The following PCSK5 variants were observed in gnomAD, a reference collection of about 807,000 sequenced individuals.
PCSK5 encodes the protein proprotein convertase subtilisin/kexin type 5.
PCSK5 carries 129 observed loss-of-function variants against 233.2 expected under a neutral mutation model. That is an observed-to-expected ratio of 0.55 (90% CI 0.48 to 0.64). PCSK5 has a LOEUF of 0.64. Among genes scored for constraint, PCSK5 ranks in the 30% least tolerant of loss-of-function variants. The pLI, the probability that PCSK5 is intolerant of heterozygous loss-of-function variation, is 0.00. For synonymous variants in PCSK5, 825 were observed against 879.2 expected (o/e 0.94, Z 1.09); for missense variants, 2,076 against 2,430.1 (o/e 0.85, Z 3.06).
At chr9:75,987,365 C>T (rs1264966270) in intron 3 of PCSK5, among the ~76,000 whole-genome samples, 1 of 152,176 alleles carries the variant, frequency 6.6e-6, no homozygotes, top group East Asian at 1.9e-4. Flanking sequence ...CATCATGGCA[C>T]TTTACACTGT....
chr9:76,331,822 T>C (rs544058057), intron 33 of PCSK5, among the ~76,000 whole-genome samples: 12 of 152,014 alleles, frequency 7.9e-5, no homozygotes, highest in Admixed American at 5.2e-4. Flanking sequence ...CTCTAGCAAG[T>C]GGAAAAGGAA....
At chr9:76,345,060 A>G (rs1236256244) in intron 35 of PCSK5, among the ~76,000 whole-genome samples, 2 of 152,196 alleles carry the variant, frequency 1.3e-5, no homozygotes, top group East Asian at 3.8e-4. Flanking sequence ...AGTTTGGAGT[A>G]TAAATAACTG....
intron 1 of PCSK5, among the ~76,000 whole-genome samples, chr9:75,922,353 A>G (rs548391830): frequency 6.6e-6 from 1 of 152,300 alleles, no homozygotes; most frequent in Admixed American, 6.5e-5. Context: ...CATGGACTCT[A>G]TCCCAACTCC....
intron 20 of PCSK5, among the ~76,000 whole-genome samples, chr9:76,190,738 T>C (rs1035287305): frequency 6.6e-6 from 1 of 152,180 alleles, no homozygotes; most frequent in African/African-American, 2.4e-5. Flanking sequence ...AAACCCAAGG[T>C]GTAGAGCTAG....
intron 20 of PCSK5, among the ~76,000 whole-genome samples, chr9:76,197,772 C>T (rs944076671): frequency 1.3e-5 from 2 of 152,194 alleles, no homozygotes; most frequent in African/African-American, 2.4e-5. Flanking sequence ...TGTGACCTCA[C>T]CCAGCCCAGG....
At chr9:75,960,178 T>G (rs1261043236) in intron 2 of PCSK5, among the ~76,000 whole-genome samples, 2 of 151,930 alleles carry the variant, frequency 1.3e-5, no homozygotes, top group Non-Finnish European at 2.9e-5. Flanking sequence ...TTTTTTCAAC[T>G]GTGAAATAAA....
At chr9:76,268,585 T>C (rs1827412912) in intron 24 of PCSK5, among the ~76,000 whole-genome samples, 1 of 152,236 alleles carries the variant, frequency 6.6e-6, no homozygotes, top group Admixed American at 6.5e-5. Context: ...GGCTCATGCC[T>C]ATAATCCCAA....
chr9:76,333,547 A>G (rs1408950108), intron 34 of PCSK5, among the ~76,000 whole-genome samples: 1 of 152,134 alleles, frequency 6.6e-6, no homozygotes, highest in African/African-American at 2.4e-5. Flanking sequence ...GGACTCTATT[A>G]TTTTTCTGCT....
intron 2 of PCSK5, among the ~76,000 whole-genome samples, chr9:75,942,871 C>G (rs1453809317): frequency 7.1e-6 from 1 of 141,418 alleles, no homozygotes; most frequent in Admixed American, 7.2e-5. Flanking sequence ...TGTGGTATTT[C>G]TTTTCTTCTT....
In PCSK5 at chr9:76,026,990, G is replaced by A. The variant is rs529597302; in HGVS notation, c.585G>A (p.Gly195=). The A allele has an allele frequency of 1.1e-5, 18 of 1,609,162 alleles. No individual in the cohort carries two copies. The South Asian group carries it at 1.8e-4, about 16-fold the overall frequency. ...CTCTGGCAAGTTGCGACGTGAATGG[G>A]AATGACTTGGACCCAATGCCTCGTT... The part of the protein sequence containing the change: ...YDALASCDVN[G]NDLDPMPRYD... The change falls in exon 5 of 38, where the codon GGG becomes GGA. Residue 195 remains glycine, a synonymous_variant. Coordinates refer to ENST00000674117, the MANE Select transcript of PCSK5 (RefSeq NM_001372043.1).
At chr9:76,349,146 C>T (rs1195624309) in intron 35 of PCSK5, among the ~76,000 whole-genome samples, 3 of 151,200 alleles carry the variant, frequency 2.0e-5, no homozygotes, top group African/African-American at 7.3e-5. Flanking sequence ...TGGTGGCGGG[C>T]TCCTGTAGTC....
intron 37 of PCSK5, among the ~76,000 whole-genome samples, chr9:76,356,655 C>T (rs751381062): frequency 1.3e-5 from 2 of 152,028 alleles, no homozygotes; most frequent in South Asian, 2.1e-4. Context: ...AGAAGAAACT[C>T]GGCTTGATAG....
chr9:76,037,659 G>A (rs1170285424), intron 5 of PCSK5, among the ~76,000 whole-genome samples: 1 of 152,126 alleles, frequency 6.6e-6, no homozygotes, highest in African/African-American at 2.4e-5. Flanking sequence ...GTGGGCTGTG[G>A]AAGAAAGATA....
intron 27 of PCSK5, among the ~76,000 whole-genome samples, chr9:76,301,633 A>G (rs1047174797): frequency 3.9e-5 from 6 of 152,190 alleles, no homozygotes; most frequent in African/African-American, 1.2e-4. Context: ...ACGTCAGTCC[A>G]GGAGTTTGAG....
chr9:75,962,548 G>A (rs1314811896), intron 2 of PCSK5, among the ~76,000 whole-genome samples: 2 of 152,224 alleles, frequency 1.3e-5, no homozygotes, highest in Non-Finnish European at 2.9e-5. Flanking sequence ...AGAACAGATA[G>A]TAGGTTTTAA....
intron 10 of PCSK5, among the ~76,000 whole-genome samples, chr9:76,137,606 G>A (rs1823039227): frequency 6.6e-6 from 1 of 152,038 alleles, no homozygotes; most frequent in African/African-American, 2.4e-5. Context: ...AATAATCCTA[G>A]CTAAGTTTCA....
intron 34 of PCSK5, among the ~76,000 whole-genome samples, chr9:76,336,054 C>T (rs993348600): frequency 6.6e-6 from 1 of 152,164 alleles, no homozygotes; most frequent in African/African-American, 2.4e-5. Context: ...TTTCTTGAGT[C>T]TTATGTGGGC....
chr9:76,048,774 T>A (rs893756210), intron 5 of PCSK5, among the ~76,000 whole-genome samples: 5 of 152,234 alleles, frequency 3.3e-5, no homozygotes, highest in Non-Finnish European at 1.5e-5. Context: ...ACAACTTTAA[T>A]TGATTTGATG....
chr9:76,134,061 C>G, intron 9 of PCSK5, 48 bp from the exon 10 acceptor site: 1 of 1,155,018 alleles, frequency 8.7e-7, no homozygotes, highest in Non-Finnish European at 1.3e-6. Context: ...CTGCTTCCCC[C>G]ATCTTTTTTT....
Sources: gnomAD v4.1 joint callset for allele counts (sites outside exome capture counted in the v4.1 genomes callset) on GRCh38, gnomAD v4.1.1 for gene constraint, MANE v1.5 for transcripts, NCBI Gene and HGNC (gene_info 2026-07-23, HGNC 2026-07-21) for gene names.